IBTK: variants seen among roughly 807,000 people sequenced by gnomAD.
IBTK encodes inhibitor of Bruton tyrosine kinase.
Under a neutral mutation model 154.9 loss-of-function variants are expected in IBTK, and 83 were observed. That is an observed-to-expected ratio of 0.54 (90% CI 0.45 to 0.64). IBTK has a LOEUF of 0.64. Among genes scored for constraint, IBTK ranks in the 30% least tolerant of loss-of-function variants. The probability of loss-of-function intolerance (pLI) is 0.00; values close to 1 mark genes in which losing one functional copy is unlikely to be tolerated. For missense variants in IBTK, 1,332 were observed against 1,584.6 expected (o/e 0.84, Z 2.71); for synonymous variants, 515 against 536.1 (o/e 0.96, Z 0.54).
chr6:82,202,514 T>G lies in IBTK; in HGVS notation c.2729+14A>C, dbSNP rs1220700325. 1 of 1,333,848 alleles carries G rather than the reference T, an allele frequency of 7.5e-7. No homozygotes were observed. The highest frequency in any genetic ancestry group is 2.3e-5 in the East Asian group (1 of 43,322). The allele number at this position is 1,333,848 out of a possible 1,614,324, so 82.6% of individuals were successfully genotyped here. ...CCTTTTGCAACAATCTTACAACATA[T>G]GCACCTCACCTACCTTGCTTCAAGT... On this transcript the variant is annotated intron_variant, in intron 18 of 28. Transcript: ENST00000306270.
In IBTK at chr6:82,212,631, G is replaced by A; in HGVS notation, c.2291+76C>T. 3.4e-6 allele frequency: 3 copies of A among 881,564 alleles called. No individual in the cohort carries two copies. In the Middle Eastern group the frequency reaches 6.5e-4, roughly 191 times the overall value. The allele number at this position is 881,564 out of a possible 1,614,324, so 54.6% of individuals were successfully genotyped here. On this transcript the variant is annotated intron_variant, in intron 13 of 28. Transcript: ENST00000306270. The stretch of plus-strand genomic sequence containing the variant: ...ACCTATACATTTTGCTTCATATGTG[G>A]GTAAGCAGAGATCTATTTCCACACT...
At chr6:82,204,536 C>T (rs1344090682) in intron 17 of IBTK, among the ~76,000 whole-genome samples, 5 of 152,206 alleles carry the variant, frequency 3.3e-5, no homozygotes, top group Admixed American at 3.3e-4. Flanking sequence ...AAGATCAGGG[C>T]AAGAGTACAA....
chr6:82,238,046 C>T (rs1770797032), intron 2 of IBTK, among the ~76,000 whole-genome samples: 1 of 152,036 alleles, frequency 6.6e-6, no homozygotes, highest in Admixed American at 6.6e-5. Flanking sequence ...GAGTTCAAGA[C>T]CAGCCTGGCC....
At chr6:82,176,521 CAAA>C (rs749153646) in intron 26 of IBTK, among the ~76,000 whole-genome samples, 3 of 61,476 alleles carry the variant, frequency 4.9e-5, no homozygotes, top group African/African-American at 1.2e-4. Flanking sequence ...GAGTCCGTCT[CAAA>C]AAAAAAAAAA....
chr6:82,183,738 G>T (rs1206932493), intron 25 of IBTK, among the ~76,000 whole-genome samples: 1 of 152,168 alleles, frequency 6.6e-6, no homozygotes, highest in African/African-American at 2.4e-5. Context: ...TATAAGCTAG[G>T]TCTGAATGTA....
At chr6:82,226,616 T>TC (rs1438922987) in intron 5 of IBTK, among the ~76,000 whole-genome samples, 2 of 151,850 alleles carry the variant, frequency 1.3e-5, no homozygotes, top group Non-Finnish European at 2.9e-5. Context: ...TTTTTTTTTT[T>TC]TCTTTTTGAG....
intron 6 of IBTK, 86 bp downstream of exon 6, chr6:82,225,390 GT>G (rs1193219399): frequency 3.3e-6 from 3 of 901,294 alleles, no homozygotes; most frequent in African/African-American, 3.5e-5. Context: ...AATAAAATAA[GT>G]TGCTCTGTCA....
Position 82,204,852 on chromosome 6 carries a change from C to G in IBTK, c.2611+5G>C, listed in dbSNP as rs1769338019. 6.5e-7 allele frequency: 1 copy of G among 1,529,962 alleles called. No homozygotes were observed. Among genetic ancestry groups the G allele is most frequent in the Admixed American group, 1.8e-5 (1 of 55,184 alleles). 94.8% of individuals were successfully genotyped at this position (1,529,962 alleles called of 1,614,324 possible). A position where few individuals can be genotyped will look rare whatever the true frequency, so the allele number is the denominator to read the frequency against. Reference sequence around the variant, plus strand: ...ATATTAATATTCAAACTCAAAATTACTCACGTTTTTCAGTTAATGCTACTT... The same window carrying G: ...ATATTAATATTCAAACTCAAAATTAGTCACGTTTTTCAGTTAATGCTACTT... On this transcript the variant is annotated splice_donor_5th_base_variant and intron_variant, in intron 17 of 28. Coordinates refer to ENST00000306270, the MANE Select transcript of IBTK (RefSeq NM_015525.4).
In IBTK at chr6:82,196,286, CA is replaced by C; in HGVS notation, c.3174+11del. On this transcript the variant is annotated intron_variant, in intron 22 of 28. Coordinates refer to ENST00000306270, the MANE Select transcript of IBTK (RefSeq NM_015525.4). ...ATCTGAAGGTAAGGAGGTAGTGCTT[CA>C]AAAAACAAACCTCAATCTTATCTGA... The C allele has an allele frequency of 6.3e-7, 1 of 1,581,696 alleles. No individual in the cohort carries two copies. The highest frequency in any genetic ancestry group is 8.6e-7 in the Non-Finnish European group (1 of 1,166,164).
Position 82,214,716 on chromosome 6 carries a change from T to C in IBTK, c.1715A>G (p.Asn572Ser), listed in dbSNP as rs1231883158. The change falls in exon 12 of 29, where the codon AAT becomes AGT. Residue 572 changes from asparagine to serine, a missense_variant. By Grantham distance (46) the Asn-to-Ser change is conservative. Around this residue, in one of 3 missense-constraint regions of IBTK, gnomAD observed 1,134 missense variants for 1,274.7 expected, o/e 0.89. Coordinates refer to ENST00000306270, the MANE Select transcript of IBTK (RefSeq NM_015525.4). ...ATATTTATGTGCAGGGAAGAGTCTA[T>C]TGCCAACTTGAAATGTCACATCATG... ...SIHDVTFQVG[N>S]RLFPAHKYIL... The C allele has an allele frequency of 1.2e-6, 2 of 1,614,004 alleles. No individual in the cohort carries two copies. Among genetic ancestry groups the C allele is most frequent in the African/African-American group, 1.3e-5 (1 of 74,934 alleles).
chr6:82,185,524 G>A (rs1431315461), intron 25 of IBTK, among the ~76,000 whole-genome samples: 1 of 150,826 alleles, frequency 6.6e-6, no homozygotes, highest in Non-Finnish European at 1.5e-5. Flanking sequence ...ACTGCACTCT[G>A]TCTCAAAAAC....
chr6:82,172,256 G>T, intron 28 of IBTK, 124 bp downstream of exon 28: 1 of 871,498 alleles, frequency 1.1e-6, no homozygotes, highest in Non-Finnish European at 1.7e-6. Context: ...ATTTTACCTG[G>T]CATTTACATT....
At chr6:82,183,225 C>A (rs980437622) in intron 25 of IBTK, among the ~76,000 whole-genome samples, 8 of 152,082 alleles carry the variant, frequency 5.3e-5, no homozygotes, top group Admixed American at 4.6e-4. Flanking sequence ...GCCTGGCCAA[C>A]ATGATGAAAC....
At chr6:82,218,995 C>T (rs1272233012) in intron 9 of IBTK, among the ~76,000 whole-genome samples, 2 of 152,122 alleles carry the variant, frequency 1.3e-5, no homozygotes, top group Non-Finnish European at 1.5e-5. Context: ...GAAGTATAAG[C>T]TATATCCATT....
chr6:82,226,420 T>C (rs1253055492), intron 5 of IBTK, among the ~76,000 whole-genome samples: 1 of 152,118 alleles, frequency 6.6e-6, no homozygotes, highest in Non-Finnish European at 1.5e-5. Context: ...AATTTTCTGA[T>C]AGGTAATGTA....
At chr6:82,223,200 T>G (rs1290061097) in intron 8 of IBTK, among the ~76,000 whole-genome samples, 2 of 152,188 alleles carry the variant, frequency 1.3e-5, no homozygotes, top group East Asian at 3.8e-4. Context: ...AGCTCATATT[T>G]AACTACATAT....
At chr6:82,214,200 G>A (rs1769771598) in intron 12 of IBTK, 27 bp downstream of exon 12, 1 of 1,580,502 alleles carries the variant, frequency 6.3e-7, no homozygotes, top group African/African-American at 1.4e-5. Context: ...ATGAGGTACA[G>A]GAACAGATAT....
At chr6:82,194,045 G>C (rs1768889402) in intron 23 of IBTK, among the ~76,000 whole-genome samples, 2 of 152,020 alleles carry the variant, frequency 1.3e-5, no homozygotes. Flanking sequence ...TAAAAGGATA[G>C]TATAACATTA....
intron 15 of IBTK, 134 bp downstream of exon 15, chr6:82,211,233 A>C (rs952555262): frequency 5.5e-5 from 34 of 615,580 alleles, no homozygotes; most frequent in Middle Eastern, 9.2e-4. Context: ...AGCAGCCTCA[A>C]GCATAAAGTT....
Sources: allele counts gnomAD v4.1 joint callset (sites outside exome capture counted in the v4.1 genomes callset), GRCh38; gene constraint gnomAD v4.1.1; regional missense constraint gnomAD v4.1.1; transcripts MANE v1.5; gene names NCBI Gene and HGNC (gene_info 2026-07-23, HGNC 2026-07-21).